The following SPDYA variants were observed in gnomAD, a reference collection of about 807,000 sequenced individuals.
The protein encoded by SPDYA is speedy protein A.
In SPDYA, 11 loss-of-function variants were observed where a neutral mutation model predicts 36.7. The observed-to-expected ratio is 0.30, with a 90% CI of 0.19 to 0.50. The LOEUF (loss-of-function observed/expected upper bound fraction) is 0.50. Among genes scored for constraint, SPDYA ranks in the 20% least tolerant of loss-of-function variants. The probability of loss-of-function intolerance (pLI) is 0.98; values close to 1 mark genes in which losing one functional copy is unlikely to be tolerated. For synonymous variants in SPDYA, 115 were observed against 118.7 expected, an observed-to-expected ratio of 0.97 and a Z score of 0.20; for missense variants, 287 against 370.9, an observed-to-expected ratio of 0.77 and a Z score of 1.86.
At chr2:28,822,057 A>T (rs1329912076) in intron 4 of SPDYA, among the ~76,000 whole-genome samples, 1 of 152,186 alleles carries the variant, frequency 6.6e-6, no homozygotes, top group Non-Finnish European at 1.5e-5. Context: ...AAATTAGATA[A>T]AAGTGGGATT....
intron 7 of SPDYA, among the ~76,000 whole-genome samples, chr2:28,846,265 C>G (rs561189610): frequency 1.3e-5 from 2 of 151,962 alleles, no homozygotes; most frequent in African/African-American, 4.8e-5. Context: ...ATTAGCCAGG[C>G]GTGGTGGTGG....
chr2:28,847,393 C>A (rs560349019), intron 7 of SPDYA, among the ~76,000 whole-genome samples: 1 of 151,444 alleles, frequency 6.6e-6, no homozygotes, highest in African/African-American at 2.4e-5. Flanking sequence ...TATAGTCATG[C>A]GCCACATAAT....
chr2:28,844,524 C>A (rs548063007), intron 7 of SPDYA, among the ~76,000 whole-genome samples: 1 of 152,126 alleles, frequency 6.6e-6, no homozygotes, highest in African/African-American at 2.4e-5. Context: ...GACAGTGTAC[C>A]GCATTGCCAG....
At chr2:28,831,141 G>A (rs1212227292) in intron 6 of SPDYA, among the ~76,000 whole-genome samples, 1 of 152,132 alleles carries the variant, frequency 6.6e-6, no homozygotes, top group Non-Finnish European at 1.5e-5. Context: ...TGGATCACTT[G>A]AGTCCAAGAG....
chr2:28,816,852 AAG>A (rs956506636), intron 3 of SPDYA, among the ~76,000 whole-genome samples: 5 of 117,718 alleles, frequency 4.2e-5, no homozygotes, highest in Non-Finnish European at 9.5e-5. Context: ...CTAACTAGGA[AAG>A]AGAGGGAATT....
intron 7 of SPDYA, among the ~76,000 whole-genome samples, chr2:28,849,044 CA>C (rs1193955228): frequency 2.3e-4 from 31 of 136,968 alleles, no homozygotes; most frequent in Non-Finnish European, 2.4e-4. Flanking sequence ...GAATCTGTCT[CA>C]AAAAAAAAAA....
intron 3 of SPDYA, among the ~76,000 whole-genome samples, chr2:28,816,987 AGCTT>A (rs1166028493): frequency 6.6e-6 from 1 of 150,810 alleles, no homozygotes. Flanking sequence ...GGTAGATTGT[AGCTT>A]GCTTGTTTCT....
chr2:28,845,795 T>A (rs577746956), intron 7 of SPDYA, among the ~76,000 whole-genome samples: 1 of 152,264 alleles, frequency 6.6e-6, no homozygotes, highest in Non-Finnish European at 1.5e-5. Context: ...TCCACCTGTC[T>A]CAGCCTCCCA....
At position 28,811,468 on chromosome 2, in the gene SPDYA, G is replaced by A. The variant is rs1006875050; in HGVS notation, c.-93+521G>A. Among the ~76,000 whole-genome samples, 1 of 152,096 alleles carries A rather than the reference G, an allele frequency of 6.6e-6. No homozygotes were observed. The highest frequency in any genetic ancestry group is 2.4e-5 in the African/African-American group (1 of 41,406). ...TCTGCCCCAGAATTTTGAGATCTGA[G>A]CTGCTGTGTCTCAGTACCAGGCCCG... On this transcript the variant is annotated intron_variant, in intron 1 of 7. Transcript: ENST00000334056. This position sits in a 1 kb window ranked among gnomAD's most constrained non-coding sequence, Gnocchi z 4.2.
chr2:28,825,842 A>T (rs1248498592), intron 5 of SPDYA, among the ~76,000 whole-genome samples: 1 of 151,644 alleles, frequency 6.6e-6, no homozygotes, highest in African/African-American at 2.4e-5. Context: ...GGTTAAAGTG[A>T]TCTTCTTGCC....
In SPDYA at chr2:28,814,606, T is replaced by C. The variant is rs1443805035; in HGVS notation, c.-92-7T>C. The C allele has an allele frequency of 6.6e-6, 1 of 152,204 alleles. No homozygotes were observed. Among genetic ancestry groups the C allele is most frequent in the African/African-American group, 2.4e-5 (1 of 41,440 alleles). The allele number at this position is 152,204 out of a possible 1,614,324, so 9.4% of individuals were successfully genotyped here. On this transcript the variant is annotated splice_polypyrimidine_tract_variant and splice_region_variant and intron_variant, in intron 1 of 7. Transcript: ENST00000334056. ...CTAACCTCGCTAAATCCAATCTTATTTTCCAGTCCTTCCTTCAGAAGGGAA... is the reference window on the plus strand; with the variant it reads ...CTAACCTCGCTAAATCCAATCTTATCTTCCAGTCCTTCCTTCAGAAGGGAA...
At chr2:28,838,350 T>C (rs1171415878) in intron 6 of SPDYA, among the ~76,000 whole-genome samples, 1 of 151,810 alleles carries the variant, frequency 6.6e-6, no homozygotes, top group Non-Finnish European at 1.5e-5. Flanking sequence ...CCCAACTAAT[T>C]TTGTATTTTT....
At chr2:28,827,752 T>A (rs1366786892) in intron 5 of SPDYA, among the ~76,000 whole-genome samples, 1 of 152,190 alleles carries the variant, frequency 6.6e-6, no homozygotes, top group Non-Finnish European at 1.5e-5. Flanking sequence ...TGCTTTGAGG[T>A]TCATTGAACT....
rs1030025899 is a variant in SPDYA at position 28,846,831 on chromosome 2, T to A, written c.851-3019T>A. 3.3e-5 allele frequency among the ~76,000 whole-genome samples: 5 copies of A among 151,584 alleles called. No individual in the cohort carries two copies. In the East Asian group the frequency reaches 9.7e-4, roughly 29 times the overall value. ...TAAAAAGGTCTTGTTCAATTCAACA[T>A]CTACTGAGCACCATGTGCCAAACAG... On this transcript the variant is annotated intron_variant, in intron 7 of 7. Coordinates refer to ENST00000334056, the MANE Select transcript of SPDYA (RefSeq NM_182756.4).
chr2:28,815,957 G>T, intron 2 of SPDYA, 40 bp from the exon 3 acceptor site: 1 of 1,321,052 alleles, frequency 7.6e-7, no homozygotes, highest in South Asian at 1.3e-5. Context: ...TATATGAAAT[G>T]AATGTGTGTG....
chr2:28,827,654 C>G (rs184588543), intron 5 of SPDYA, among the ~76,000 whole-genome samples: 90 of 151,990 alleles, frequency 5.9e-4, no homozygotes, highest in African/African-American at 2.1e-3. Flanking sequence ...TTTTTTTTCT[C>G]TGAGTACTTT....
chr2:28,823,484 C>T (rs955214527), intron 5 of SPDYA, among the ~76,000 whole-genome samples: 1 of 150,520 alleles, frequency 6.6e-6, no homozygotes, highest in South Asian at 2.1e-4. Flanking sequence ...GTTAGCTGGG[C>T]GTGGTGGTGG....
In SPDYA at chr2:28,811,544, G is replaced by T. The variant is rs1667844920; in HGVS notation, c.-93+597G>T. ...GATTCTCTTACATGACATCCAGTAG[G>T]ACTGGAGGGCCCCTAGCCTCAATCT... On this transcript the variant is annotated intron_variant, in intron 1 of 7. Coordinates refer to ENST00000334056, the MANE Select transcript of SPDYA (RefSeq NM_182756.4). The surrounding 1 kb of genome is among the most constrained non-coding windows in gnomAD (Gnocchi z 4.2). Among the ~76,000 whole-genome samples the T allele has an allele frequency of 6.6e-6, 1 of 152,088 alleles. No individual in the cohort carries two copies. Among genetic ancestry groups the T allele is most frequent in the Non-Finnish European group, 1.5e-5 (1 of 68,026 alleles).
At chr2:28,844,533 AGAT>A (rs1355686908) in intron 7 of SPDYA, among the ~76,000 whole-genome samples, 1 of 152,236 alleles carries the variant, frequency 6.6e-6, no homozygotes, top group Non-Finnish European at 1.5e-5. Flanking sequence ...CCGCATTGCC[AGAT>A]GATGTTGCCC....
Sources: gnomAD v4.1 joint callset for allele counts (sites outside exome capture counted in the v4.1 genomes callset) on GRCh38, gnomAD v4.1.1 for gene constraint, Gnocchi (gnomAD v3.1) non-coding constraint, MANE v1.5 for transcripts, NCBI Gene and HGNC (gene_info 2026-07-23, HGNC 2026-07-21) for gene names.